The following MAN1A2 variants were observed in gnomAD, a reference collection of about 807,000 sequenced individuals.
The protein encoded by MAN1A2 is mannosidase alpha class 1A member 2.
Under a neutral mutation model 75.7 loss-of-function variants are expected in MAN1A2, and 26 were observed. The observed-to-expected ratio is 0.34, with a 90% CI of 0.25 to 0.48. The LOEUF (loss-of-function observed/expected upper bound fraction) is 0.48, where lower values mean the gene tolerates loss of function less well. Ranked by LOEUF, MAN1A2 falls within the 20% of genes least tolerant of loss-of-function variation. The probability of loss-of-function intolerance (pLI) is 0.99; values close to 1 mark genes in which losing one functional copy is unlikely to be tolerated. For synonymous variants in MAN1A2, 247 were observed against 264.6 expected (o/e 0.93, Z 0.65); for missense variants, 562 against 775.5 (o/e 0.72, Z 3.27).
At chr1:117,435,962 G>A (rs529905411) in intron 5 of MAN1A2, among the ~76,000 whole-genome samples, 2 of 152,108 alleles carry the variant, frequency 1.3e-5, no homozygotes, top group Non-Finnish European at 2.9e-5. Flanking sequence ...GGAAGCTGAG[G>A]CAGGAGAATC....
chr1:117,373,914 G>A (rs1653057410), intron 1 of MAN1A2, among the ~76,000 whole-genome samples: 1 of 58,580 alleles, frequency 1.7e-5, no homozygotes, highest in African/African-American at 9.0e-5. Flanking sequence ...AACATTAATT[G>A]ATTTTTTTTT....
intron 12 of MAN1A2, among the ~76,000 whole-genome samples, chr1:117,510,340 G>A (rs1387496676): frequency 6.6e-6 from 1 of 152,010 alleles, no homozygotes; most frequent in Non-Finnish European, 1.5e-5. Flanking sequence ...AAATTAATTA[G>A]AAATGGTTAA....
chr1:117,406,355 A>G (rs1427497555), intron 3 of MAN1A2, among the ~76,000 whole-genome samples: 2 of 152,170 alleles, frequency 1.3e-5, no homozygotes, highest in East Asian at 3.8e-4. Context: ...TTATCTTTTA[A>G]GTAATGATAG....
intron 1 of MAN1A2, among the ~76,000 whole-genome samples, chr1:117,377,871 C>T (rs1205616936): frequency 1.3e-5 from 2 of 151,982 alleles, no homozygotes; most frequent in African/African-American, 4.8e-5. Context: ...GAGGCCGAGG[C>T]GGGTGGATCA....
intron 4 of MAN1A2, among the ~76,000 whole-genome samples, chr1:117,415,954 T>C (rs779635447): frequency 1.6e-4 from 25 of 152,162 alleles, no homozygotes; most frequent in Non-Finnish European, 3.2e-4. Context: ...CTGAGAAATG[T>C]AGTCTTTTTT....
intron 7 of MAN1A2, among the ~76,000 whole-genome samples, chr1:117,465,136 A>G (rs1649943087): frequency 6.6e-6 from 1 of 152,182 alleles, no homozygotes; most frequent in South Asian, 2.1e-4. Flanking sequence ...TATCAACAAA[A>G]TGAAGGCCAA....
chr1:117,488,929 C>T (rs929916030), intron 8 of MAN1A2, among the ~76,000 whole-genome samples: 2 of 151,974 alleles, frequency 1.3e-5, no homozygotes, highest in South Asian at 4.2e-4. Context: ...TCGCTTAGCC[C>T]AGGAGTTTGA....
intron 8 of MAN1A2, among the ~76,000 whole-genome samples, chr1:117,482,652 A>G (rs1273076389): frequency 2.6e-4 from 39 of 152,022 alleles, no homozygotes. Flanking sequence ...CGCTTGTCAG[A>G]TGGGTAGATT....
intron 5 of MAN1A2, among the ~76,000 whole-genome samples, chr1:117,424,298 G>A (rs1354799921): frequency 6.6e-6 from 1 of 152,140 alleles, no homozygotes; most frequent in African/African-American, 2.4e-5. Flanking sequence ...AAGTTGAATA[G>A]TAATGGGCAG....
chr1:117,373,756 A>T (rs75684811), intron 1 of MAN1A2, among the ~76,000 whole-genome samples: 3,993 of 152,214 alleles, frequency 0.026, 179 homozygotes, highest in African/African-American at 0.091. Flanking sequence ...GGCCTCCCAA[A>T]GTGTTCGGAT....
At chr1:117,475,686 A>G (rs1650291177) in intron 8 of MAN1A2, among the ~76,000 whole-genome samples, 1 of 152,086 alleles carries the variant, frequency 6.6e-6, no homozygotes, top group Admixed American at 6.6e-5. Flanking sequence ...CCTGCAAAGG[A>G]CATGAACTCA....
intron 1 of MAN1A2, among the ~76,000 whole-genome samples, chr1:117,384,203 T>C (rs1241816856): frequency 6.6e-6 from 1 of 152,188 alleles, no homozygotes; most frequent in Admixed American, 6.5e-5. Flanking sequence ...TCTAGTTCTT[T>C]AAGTTGTAAA....
At chr1:117,377,031 T>A (rs1190362426) in intron 1 of MAN1A2, among the ~76,000 whole-genome samples, 1 of 152,210 alleles carries the variant, frequency 6.6e-6, no homozygotes, top group African/African-American at 2.4e-5. Context: ...CAATTCCTCA[T>A]GGATATCAAG....
chr1:117,439,669 G>A (rs1570745986), intron 5 of MAN1A2, among the ~76,000 whole-genome samples: 2 of 151,834 alleles, frequency 1.3e-5, no homozygotes, highest in African/African-American at 2.4e-5. Flanking sequence ...AATTTTTTGT[G>A]TTTTTAGTAG....
chr1:117,509,121 A>C (rs995955129), intron 12 of MAN1A2, among the ~76,000 whole-genome samples: 23 of 142,892 alleles, frequency 1.6e-4, no homozygotes, highest in Middle Eastern at 3.3e-3. Context: ...AAAAATAAAA[A>C]ACATCTGTAC....
chr1:117,414,968 A>G, intron 4 of MAN1A2, 137 bp downstream of exon 4: 1 of 546,998 alleles, frequency 1.8e-6, no homozygotes, highest in East Asian at 2.9e-5. Flanking sequence ...GTACTAGAAG[A>G]TGGGGACTTT....
chr1:117,492,450 A>C (rs1650910672), intron 8 of MAN1A2, among the ~76,000 whole-genome samples: 1 of 152,120 alleles, frequency 6.6e-6, no homozygotes, highest in Non-Finnish European at 1.5e-5. Context: ...TAGTGCTGTC[A>C]ACACAACTTT....
At chr1:117,379,024 T>G (rs1310402963) in intron 1 of MAN1A2, among the ~76,000 whole-genome samples, 2 of 152,172 alleles carry the variant, frequency 1.3e-5, no homozygotes, top group East Asian at 1.9e-4. Flanking sequence ...GTTTGAAATT[T>G]TAATATATTT....
intron 8 of MAN1A2, among the ~76,000 whole-genome samples, chr1:117,476,126 C>CT (rs1026144168): frequency 3.3e-5 from 5 of 152,094 alleles, no homozygotes; most frequent in Non-Finnish European, 7.4e-5. Flanking sequence ...TGATGATGAG[C>CT]TTTTTTTCAT....
Sources: allele counts gnomAD v4.1 joint callset (sites outside exome capture counted in the v4.1 genomes callset), GRCh38; gene constraint gnomAD v4.1.1; transcripts MANE v1.5; gene names NCBI Gene and HGNC (gene_info 2026-07-23, HGNC 2026-07-21).